GALNT9: variants seen among roughly 807,000 people sequenced by gnomAD.
The protein encoded by GALNT9 is polypeptide N-acetylgalactosaminyltransferase 9, also known as GalNAc transferase 9.
In GALNT9, 47 loss-of-function variants were observed where a neutral mutation model predicts 63.1. That is an observed-to-expected ratio of 0.75 (90% CI 0.59 to 0.95). The LOEUF is 0.95. Ranked by LOEUF, GALNT9 falls within the 40% of genes least tolerant of loss-of-function variation. The probability of loss-of-function intolerance (pLI) is 0.00; values close to 1 mark genes in which losing one functional copy is unlikely to be tolerated. For synonymous variants in GALNT9, 396 were observed against 365.7 expected, an observed-to-expected ratio of 1.08 and a Z score of -0.94; for missense variants, 829 against 874.8, an observed-to-expected ratio of 0.95 and a Z score of 0.66.
intron 6 of GALNT9, chr12:132,205,317 T>C (rs533547051): frequency 6.6e-6 from 1 of 151,340 alleles, no homozygotes; most frequent in South Asian, 2.1e-4. Context: ...GGAAGCCGAG[T>C]CCCAGGGAGA....
chr12:132,208,495 C>T (rs1017013703), intron 6 of GALNT9, among the ~76,000 whole-genome samples: 2 of 152,234 alleles, frequency 1.3e-5, no homozygotes, highest in African/African-American at 4.8e-5. Context: ...GGGCCAGAAC[C>T]CACCCAGTGC....
chr12:132,308,337 G>A (rs1025126438), intron 1 of GALNT9, among the ~76,000 whole-genome samples: 5 of 152,240 alleles, frequency 3.3e-5, no homozygotes, highest in Non-Finnish European at 7.3e-5. Context: ...GTGGTGAGCT[G>A]TGACAGCAGC....
intron 2 of GALNT9, among the ~76,000 whole-genome samples, chr12:132,264,710 C>T (rs1364011052): frequency 1.3e-5 from 2 of 152,226 alleles, no homozygotes; most frequent in Non-Finnish European, 2.9e-5. Context: ...GTGCTCTTCC[C>T]TGAACCAATC....
chr12:132,318,868 TGCCAGTG>T (rs1868648102), intron 1 of GALNT9, among the ~76,000 whole-genome samples: 1 of 152,250 alleles, frequency 6.6e-6, no homozygotes, highest in African/African-American at 2.4e-5. Flanking sequence ...TCCCGCCCTC[TGCCAGTG>T]GCTGGCTAGG....
In GALNT9 at chr12:132,245,802, T is replaced by C. The variant is rs1450588822; in HGVS notation, c.1077+2108A>G. Among the ~76,000 whole-genome samples, 2 of 152,234 alleles carry C rather than the reference T, an allele frequency of 1.3e-5. No homozygotes were observed. Among genetic ancestry groups the C allele is most frequent in the Non-Finnish European group, 2.9e-5 (2 of 68,030 alleles). On this transcript the variant is annotated intron_variant, in intron 6 of 10. Coordinates refer to ENST00000328957, the MANE Select transcript of GALNT9 (RefSeq NM_001122636.2). This position sits in a 1 kb window ranked among gnomAD's most constrained non-coding sequence, Gnocchi z 6.3. ...TTTGGCCCACGGGAGCCGATTTTGT[T>C]TGGAGGGGAGGTGGGCGTGTTTCTC...
chr12:132,212,230 C>T (rs1394613783), intron 6 of GALNT9, among the ~76,000 whole-genome samples: 12 of 101,802 alleles, frequency 1.2e-4, no homozygotes, highest in African/African-American at 3.0e-4. Context: ...GTCTGCAGCC[C>T]TCAGACCTCG....
chr12:132,261,583 G>A (rs945197358), intron 3 of GALNT9, among the ~76,000 whole-genome samples: 4 of 152,320 alleles, frequency 2.6e-5, no homozygotes, highest in South Asian at 2.1e-4. Context: ...GCGAGACAGG[G>A]CTCAGGAGGG....
intron 5 of GALNT9, 57 bp from the exon 6 acceptor site, chr12:132,248,084 G>C (rs1878784858): frequency 2.0e-6 from 3 of 1,505,592 alleles, no homozygotes; most frequent in Non-Finnish European, 1.8e-6. Context: ...AGCCCTGCCT[G>C]CTGGGCCATG....
Position 132,196,505 on chromosome 12 carries a change from T to G in GALNT9, c.*602A>C, listed in dbSNP as rs1875516995. ...TCGGCTCCCAGGAAGACACACACAG[T>G]GCTGCTGCCTAATCCTCTCTTTATT... is the stretch of plus-strand genomic sequence containing the variant. On this transcript the variant is annotated 3_prime_UTR_variant, in exon 11 of 11. Transcript: ENST00000328957. 3.0e-6 allele frequency: 3 copies of G among 985,464 alleles called. No homozygotes were observed. In the Admixed American group the frequency reaches 1.8e-4, roughly 61 times the overall value. The allele number at this position is 985,464 out of a possible 1,614,324, so 61.0% of individuals were successfully genotyped here. A position where few individuals can be genotyped will look rare whatever the true frequency, so the allele number is the denominator to read the frequency against.
In GALNT9 at chr12:132,248,227, T is replaced by C. The variant is rs932131074; in HGVS notation, c.960-200A>G. On this transcript the variant is annotated intron_variant, in intron 5 of 10. Transcript: ENST00000328957. ...GGACTTGAGTCCCTTGGAGCCTGGT[T>C]AAGCCCTCAGCCCAGACAGCGTCCA... Among the ~76,000 whole-genome samples, 4 of 152,206 alleles carry C rather than the reference T, an allele frequency of 2.6e-5. No individual in the cohort carries two copies. In the East Asian group the frequency reaches 7.7e-4, roughly 29 times the overall value.
chr12:132,248,215 TTGGAGCCTGGTTAAGCCCTCAG>T (rs1341182707), intron 5 of GALNT9, among the ~76,000 whole-genome samples, 188 bp from the exon 6 acceptor site: 3 of 152,208 alleles, frequency 2.0e-5, no homozygotes, highest in African/African-American at 7.2e-5. Flanking sequence ...CTTGAGTCCC[TTGGAGCCTGGTTAAGCCCTCAG>T]CCCAGACAGC....
At chr12:132,260,925 G>A (rs562164410) in intron 4 of GALNT9, 23 bp downstream of exon 4, 1 of 1,509,750 alleles carries the variant, frequency 6.6e-7, no homozygotes, top group Non-Finnish European at 8.9e-7. Flanking sequence ...GAGACTGGCT[G>A]TCCAGCCTGT....
intron 1 of GALNT9, among the ~76,000 whole-genome samples, chr12:132,305,203 G>A (rs868935348): frequency 1.1e-4 from 3 of 28,306 alleles, no homozygotes; most frequent in African/African-American, 2.0e-4. Flanking sequence ...ACACACCCTT[G>A]CCCGGGCACA....
chr12:132,229,501 C>T (rs1253846827), intron 6 of GALNT9, among the ~76,000 whole-genome samples: 1 of 152,248 alleles, frequency 6.6e-6, no homozygotes, highest in Non-Finnish European at 1.5e-5. Flanking sequence ...TCACTAATGC[C>T]CCAGACACCG....
chr12:132,221,051 CAAA>C (rs550355613), intron 6 of GALNT9, among the ~76,000 whole-genome samples: 38,366 of 70,688 alleles, frequency 0.54, 9,911 homozygotes, highest in East Asian at 0.74. Context: ...GAGATTGTGT[CAAA>C]AAAAAAAAAA....
chr12:132,284,496 T>C (rs973263245), intron 2 of GALNT9: 3 of 152,372 alleles, frequency 2.0e-5, no homozygotes, highest in African/African-American at 7.2e-5. Flanking sequence ...GCATTTTTTA[T>C]TTGAAAGGGA....
intron 1 of GALNT9, among the ~76,000 whole-genome samples, chr12:132,291,838 C>G (rs1880871788): frequency 6.6e-6 from 1 of 152,196 alleles, no homozygotes; most frequent in African/African-American, 2.4e-5. Context: ...ATTCAGCAGC[C>G]AGTGTGAGCT....
chr12:132,303,422 G>C (rs61945667), intron 1 of GALNT9, among the ~76,000 whole-genome samples: 51,667 of 86,028 alleles, frequency 0.6, 14,310 homozygotes, highest in East Asian at 0.78. Flanking sequence ...CCCGGGCACA[G>C]CCTCGCCCGG....
intron 5 of GALNT9, among the ~76,000 whole-genome samples, chr12:132,256,019 G>T (rs536303605): frequency 3.9e-5 from 6 of 152,256 alleles, no homozygotes; most frequent in Admixed American, 6.5e-5. Flanking sequence ...TTACAGGCAT[G>T]AACCACCGCA....
Sources: allele counts gnomAD v4.1 joint callset (sites outside exome capture counted in the v4.1 genomes callset), GRCh38; gene constraint gnomAD v4.1.1; non-coding constraint Gnocchi (gnomAD v3.1); transcripts MANE v1.5; gene names NCBI Gene and HGNC (gene_info 2026-07-23, HGNC 2026-07-21).